The following EFNA5 variants were observed in gnomAD, a reference collection of about 807,000 sequenced individuals.
EFNA5 encodes ephrin-A5.
In EFNA5, 5 loss-of-function variants were observed where a neutral mutation model predicts 22.9. The ratio of observed to expected loss-of-function variants is 0.22; its 90% CI spans 0.11 to 0.46. The LOEUF (loss-of-function observed/expected upper bound fraction) is 0.46. Ranked by LOEUF, EFNA5 falls within the 20% of genes least tolerant of loss-of-function variation. The pLI, the probability that EFNA5 is intolerant of heterozygous loss-of-function variation, is 0.99. For missense variants in EFNA5, 237 were observed against 293.3 expected, an observed-to-expected ratio of 0.81 and a Z score of 1.40; for synonymous variants, 113 against 112.2, an observed-to-expected ratio of 1.01 and a Z score of -0.04.
At chr5:107,486,376 G>A (rs1746620604) in intron 1 of EFNA5, among the ~76,000 whole-genome samples, 1 of 152,108 alleles carries the variant, frequency 6.6e-6, no homozygotes. Flanking sequence ...ACCTAATCAG[G>A]TTCAGGTAGC....
intron 2 of EFNA5, among the ~76,000 whole-genome samples, chr5:107,424,658 G>T (rs1295847902): frequency 6.6e-6 from 1 of 152,124 alleles, no homozygotes; most frequent in South Asian, 2.1e-4. Context: ...AGAGCATCTT[G>T]TAACGTAGTA....
intron 1 of EFNA5, among the ~76,000 whole-genome samples, chr5:107,479,552 G>A (rs1487949293): frequency 1.3e-5 from 2 of 152,116 alleles, no homozygotes; most frequent in Non-Finnish European, 2.9e-5. Flanking sequence ...TCGAGACATG[G>A]AAGTTTTCTA....
intron 1 of EFNA5, among the ~76,000 whole-genome samples, chr5:107,465,179 A>G (rs746517718): frequency 2.0e-5 from 3 of 152,002 alleles, no homozygotes; most frequent in Non-Finnish European, 4.4e-5. Flanking sequence ...GTGTGACCCA[A>G]TTTATGACTT....
At chr5:107,626,149 C>A (rs937708393) in intron 1 of EFNA5, among the ~76,000 whole-genome samples, 1 of 152,168 alleles carries the variant, frequency 6.6e-6, no homozygotes, top group Non-Finnish European at 1.5e-5. Context: ...AAGTCCTAGT[C>A]CAATTAAAAT....
At chr5:107,433,900 CAAA>C (rs35303771) in intron 1 of EFNA5, among the ~76,000 whole-genome samples, 8 of 130,628 alleles carry the variant, frequency 6.1e-5, no homozygotes, top group Non-Finnish European at 8.4e-5. Context: ...GACCCTGTCT[CAAA>C]AAAAAAAAAA....
chr5:107,444,371 G>A (rs981800223), intron 1 of EFNA5, among the ~76,000 whole-genome samples: 5 of 152,176 alleles, frequency 3.3e-5, no homozygotes, highest in African/African-American at 9.7e-5. Flanking sequence ...TAGAATCCTC[G>A]CTGACTTAAC....
In EFNA5 at chr5:107,670,653, G is replaced by A. The variant is rs754874895; in HGVS notation, c.-40C>T. On this transcript the variant is annotated 5_prime_UTR_variant, in exon 1 of 5. Transcript: ENST00000333274. ...GGCGGAGCCCCCGACGCGCCACTCCGGGGAGAGAGCGGGGATCCGGAGGGA... is the reference window on the plus strand; with the variant it reads ...GGCGGAGCCCCCGACGCGCCACTCCAGGGAGAGAGCGGGGATCCGGAGGGA... 2.5e-6 allele frequency: 4 copies of A among 1,589,728 alleles called. No individual in the cohort carries two copies. Among genetic ancestry groups the A allele is most frequent in the Admixed American group, 3.4e-5 (2 of 58,094 alleles).
At chr5:107,613,066 ACT>A (rs956707748) in intron 1 of EFNA5, among the ~76,000 whole-genome samples, 2 of 151,946 alleles carry the variant, frequency 1.3e-5, no homozygotes, top group African/African-American at 4.8e-5. Context: ...AAGACTTGAA[ACT>A]CTATAAATTT....
intron 1 of EFNA5, among the ~76,000 whole-genome samples, chr5:107,555,740 T>C (rs1748397099): frequency 6.6e-6 from 1 of 152,212 alleles, no homozygotes; most frequent in Admixed American, 6.5e-5. Flanking sequence ...AAGCCAAAAA[T>C]AATGGAAAGA....
intron 1 of EFNA5, among the ~76,000 whole-genome samples, chr5:107,644,500 TA>T (rs1750590167): frequency 6.6e-6 from 1 of 152,196 alleles, no homozygotes; most frequent in African/African-American, 2.4e-5. Flanking sequence ...ATCTCATATG[TA>T]AATAGAAACT....
intron 1 of EFNA5, among the ~76,000 whole-genome samples, chr5:107,621,357 G>C (rs2112528915): frequency 6.6e-6 from 1 of 152,316 alleles, no homozygotes; most frequent in African/African-American, 2.4e-5. Flanking sequence ...GCCATTCTCT[G>C]CCTAGAAGTG....
intron 1 of EFNA5, among the ~76,000 whole-genome samples, chr5:107,535,754 T>C (rs1747917909): frequency 6.6e-6 from 1 of 152,200 alleles, no homozygotes; most frequent in East Asian, 1.9e-4. Flanking sequence ...GAGGTCGTTA[T>C]GGGCAAAATT....
chr5:107,398,920 A>G (rs1341248469), intron 2 of EFNA5, among the ~76,000 whole-genome samples: 1 of 151,938 alleles, frequency 6.6e-6, no homozygotes. Flanking sequence ...ATGAACCAAA[A>G]TTTAGGATTA....
intron 1 of EFNA5, among the ~76,000 whole-genome samples, chr5:107,492,605 C>T (rs1746837991): frequency 1.3e-5 from 2 of 152,150 alleles, no homozygotes; most frequent in Admixed American, 6.5e-5. Flanking sequence ...CTCAGTCACT[C>T]TCACAGGCAA....
chr5:107,645,134 T>C (rs149382), intron 1 of EFNA5, among the ~76,000 whole-genome samples: 41,959 of 152,156 alleles, frequency 0.28, 6,261 homozygotes, highest in Non-Finnish European at 0.33. Context: ...ATGCATTAGT[T>C]ATTTAGAGTC....
chr5:107,611,679 CAGG>C (rs1242201872), intron 1 of EFNA5, among the ~76,000 whole-genome samples: 2 of 152,306 alleles, frequency 1.3e-5, no homozygotes, highest in Non-Finnish European at 1.5e-5. Context: ...TTTTTATTCA[CAGG>C]AGATCTAAGT....
chr5:107,469,149 C>G (rs1336117103), intron 1 of EFNA5, among the ~76,000 whole-genome samples: 1 of 152,120 alleles, frequency 6.6e-6, no homozygotes, highest in Admixed American at 6.5e-5. Flanking sequence ...GCACAACATT[C>G]AACCAAACAC....
intron 1 of EFNA5, among the ~76,000 whole-genome samples, chr5:107,587,692 T>C (rs1283352141): frequency 1.3e-5 from 2 of 152,096 alleles, no homozygotes; most frequent in African/African-American, 4.8e-5. Context: ...AATTTTTTTG[T>C]ATTTTTAGTA....
intron 1 of EFNA5, among the ~76,000 whole-genome samples, chr5:107,659,844 T>C (rs1197866296): frequency 6.6e-6 from 1 of 152,094 alleles, no homozygotes; most frequent in African/African-American, 2.4e-5. Context: ...AACGCTAAAA[T>C]AGGGAGACCC....
Sources: allele counts gnomAD v4.1 joint callset (sites outside exome capture counted in the v4.1 genomes callset), GRCh38; gene constraint gnomAD v4.1.1; transcripts MANE v1.5; gene names NCBI Gene and HGNC (gene_info 2026-07-23, HGNC 2026-07-21).